The following ZNF410 variants were observed in gnomAD, a reference collection of about 807,000 sequenced individuals.
ZNF410 encodes the protein zinc finger protein 410.
ZNF410 carries 18 observed loss-of-function variants against 54.8 expected under a neutral mutation model. That is an observed-to-expected ratio of 0.33 (90% confidence interval 0.23 to 0.49). ZNF410 has a LOEUF of 0.49. ZNF410 is among the 20% of genes least tolerant of loss of function. The pLI, the probability that ZNF410 is intolerant of heterozygous loss-of-function variation, is 0.99. For missense variants in ZNF410, 405 were observed against 569.6 expected (o/e 0.71, Z 2.94); for synonymous variants, 191 against 207.3 (o/e 0.92, Z 0.68).
intron 6 of ZNF410, 94 bp from the exon 7 acceptor site, chr14:73,904,808 T>C: frequency 7.2e-7 from 1 of 1,390,422 alleles, no homozygotes; most frequent in Admixed American, 2.5e-5. Flanking sequence ...TTTTTGGACT[T>C]ACTGTTTGCC....
chr14:73,900,195 CA>C (rs60950253), intron 5 of ZNF410, among the ~76,000 whole-genome samples: 6,556 of 125,316 alleles, frequency 0.052, 425 homozygotes, highest in African/African-American at 0.17. Flanking sequence ...CTTGGTCTCC[CA>C]AAAAAAAAAA....
chr14:73,905,217 C>A (rs2055462905), intron 7 of ZNF410, 134 bp downstream of exon 7: 3 of 890,632 alleles, frequency 3.4e-6, no homozygotes, highest in Non-Finnish European at 4.9e-6. Context: ...GATGGGATTT[C>A]TTTTTCAAAT....
At chr14:73,891,205 A>C (rs2055225680) in intron 1 of ZNF410, among the ~76,000 whole-genome samples, 1 of 152,168 alleles carries the variant, frequency 6.6e-6, no homozygotes, top group African/African-American at 2.4e-5. Flanking sequence ...CACACGGTAT[A>C]GCTACGGTCA....
At chr14:73,895,085 G>A (rs1219131288) in intron 3 of ZNF410, among the ~76,000 whole-genome samples, 1 of 152,134 alleles carries the variant, frequency 6.6e-6, no homozygotes, top group African/African-American at 2.4e-5. Context: ...AGGAGTTTGA[G>A]GCTGCAGTAA....
chr14:73,889,917 C>T (rs748193207), intron 1 of ZNF410, among the ~76,000 whole-genome samples: 19 of 151,534 alleles, frequency 1.3e-4, no homozygotes, highest in Non-Finnish European at 2.1e-4. Context: ...CTACCTCAGC[C>T]TCCTGAGTAG....
chr14:73,894,136 TGA>T (rs769010131), intron 3 of ZNF410, among the ~76,000 whole-genome samples: 2 of 152,018 alleles, frequency 1.3e-5, no homozygotes, highest in Non-Finnish European at 2.9e-5. Flanking sequence ...CCAGAGAGTG[TGA>T]GAGTGGGGAA....
chr14:73,923,266 T>G (rs978906483), intron 10 of ZNF410, 129 bp from the exon 11 acceptor site: 6 of 1,092,380 alleles, frequency 5.5e-6, no homozygotes, highest in Admixed American at 6.7e-5. Flanking sequence ...AGGATTAACT[T>G]GGAAGAAATA....
At chr14:73,906,440 A>G (rs1330495649) in intron 7 of ZNF410, 1 of 152,122 alleles carries the variant, frequency 6.6e-6, no homozygotes, top group African/African-American at 2.4e-5. Flanking sequence ...TTGTTGTAGC[A>G]TTTGATACCT....
At chr14:73,912,382 G>C (rs946265208) in intron 8 of ZNF410, among the ~76,000 whole-genome samples, 2 of 152,054 alleles carry the variant, frequency 1.3e-5, no homozygotes, top group African/African-American at 4.8e-5. Flanking sequence ...GGCCAGGCTG[G>C]TCTTGAACTC....
chr14:73,925,677 C>T (rs2140329387), intron 11 of ZNF410, among the ~76,000 whole-genome samples: 1 of 152,240 alleles, frequency 6.6e-6, no homozygotes, highest in East Asian at 1.9e-4. Context: ...ATCCACCCGC[C>T]TCAGCCTCCC....
chr14:73,892,202 A>G lies in ZNF410; in HGVS notation c.27A>G (p.Lys9=). The change falls in exon 2 of 12, where the codon AAA becomes AAG. Residue 9 remains lysine (K), a synonymous_variant. Transcript: ENST00000555044. MLSDELES[K]PELLVQFVQN... is the part of the protein sequence containing the mutation. ...TGTTATCAGATGAGTTAGAATCCAA[A>G]CCAGAGGTGAGCCCAGTCAGCTTGT... 6.2e-7 allele frequency: 1 copy of G among 1,613,302 alleles called. No homozygotes were observed. Among genetic ancestry groups the G allele is most frequent in the Non-Finnish European group, 8.5e-7 (1 of 1,179,770 alleles).
intron 11 of ZNF410, among the ~76,000 whole-genome samples, chr14:73,923,728 C>T (rs2055788549): frequency 6.6e-6 from 1 of 152,172 alleles, no homozygotes; most frequent in Non-Finnish European, 1.5e-5. Context: ...ACAGCTGGGA[C>T]TCCCGGCTTT....
chr14:73,892,342 T>C, intron 2 of ZNF410, 134 bp downstream of exon 2: 1 of 736,094 alleles, frequency 1.4e-6, no homozygotes, highest in Non-Finnish European at 2.2e-6. Flanking sequence ...AGCTATATGG[T>C]TTTGATTGTT....
intron 11 of ZNF410, 93 bp from the exon 12 acceptor site, chr14:73,931,410 C>A: frequency 8.8e-7 from 1 of 1,130,160 alleles, no homozygotes; most frequent in Non-Finnish European, 1.3e-6. Flanking sequence ...GTAGTGCATT[C>A]TCCATCCTCC....
chr14:73,923,485 A>AT lies in ZNF410; in HGVS notation c.1362dup (p.Glu455Ter). The AT allele has an allele frequency of 6.2e-7, 1 of 1,613,812 alleles. No homozygotes were observed. The highest frequency in any genetic ancestry group is 1.1e-5 in the South Asian group (1 of 90,944). ...ACCATGCAGTCAGGGAGGCAATCAT[A>AT]TGAAGTTTCTGTCTTAACTGCAGTA... On this transcript the variant is annotated frameshift_variant, in exon 11 of 12. Transcript: ENST00000555044. LOFTEE classifies it high-confidence loss of function.
At position 73,921,067 on chromosome 14, in the gene ZNF410, A is replaced by G; in HGVS notation, c.1091A>G (p.Gln364Arg). 1 of 1,614,142 alleles carries G rather than the reference A, an allele frequency of 6.2e-7. No homozygotes were observed. The highest frequency in any genetic ancestry group is 8.5e-7 in the Non-Finnish European group (1 of 1,180,002). Reference protein sequence around the residue: ...RNVHMRKHHLQLGAAGSQEQE... With the variant: ...RNVHMRKHHLRLGAAGSQEQE... ...GTGCATATGAGAAAGCATCACCTGCAGCTGGGAGCAGCTGGGAGTCAAGAG... is the reference window on the plus strand; with the variant it reads ...GTGCATATGAGAAAGCATCACCTGCGGCTGGGAGCAGCTGGGAGTCAAGAG... Residue 364 changes from glutamine to arginine, a missense_variant, in exon 9 of 12, where the codon CAG (glutamine) becomes CGG (arginine). Around this residue, in one of 3 missense-constraint regions of ZNF410, gnomAD observed 127 missense variants for 141.3 expected, o/e 0.90. Coordinates refer to ENST00000555044, the MANE Select transcript of ZNF410 (RefSeq NM_021188.3).
chr14:73,898,097 G>C lies in ZNF410; in HGVS notation c.415G>C (p.Val139Leu). 6.2e-7 allele frequency: 1 copy of C among 1,614,016 alleles called. No individual in the cohort carries two copies. The highest frequency in any genetic ancestry group is 8.5e-7 in the Non-Finnish European group (1 of 1,180,010). ...TCTGGGCTCTTCAGCTGAGCACTTAGTGTTTGTACAGGATGAGGCAGAAGA... is the reference window on the plus strand; with the variant it reads ...TCTGGGCTCTTCAGCTGAGCACTTACTGTTTGTACAGGATGAGGCAGAAGA... Reference protein sequence around the residue: ...AGLGSSAEHLVFVQDEAEDSG... With the variant: ...AGLGSSAEHLLFVQDEAEDSG... The change falls in exon 5 of 12, where the codon GTG (valine) becomes CTG (leucine). Residue 139 changes from valine (V) to leucine (L), a missense_variant. Physicochemically the swap from Val to Leu is conservative, Grantham distance 32 (BLOSUM62 1). Transcript: ENST00000555044.
At chr14:73,887,171 G>A (rs1348526475) in intron 1 of ZNF410, 1 of 152,484 alleles carries the variant, frequency 6.6e-6, no homozygotes, top group African/African-American at 2.4e-5. Flanking sequence ...AGGGATATAG[G>A]AACAGACTGT....
intron 11 of ZNF410, among the ~76,000 whole-genome samples, chr14:73,925,348 T>TGA (rs975509939): frequency 6.6e-6 from 1 of 152,078 alleles, no homozygotes; most frequent in Non-Finnish European, 1.5e-5. Flanking sequence ...CAGAGTACAG[T>TGA]GAGAGAGAGA....
Sources: gnomAD v4.1 joint callset for allele counts (sites outside exome capture counted in the v4.1 genomes callset) on GRCh38, gnomAD v4.1.1 for gene constraint, gnomAD v4.1.1 regional missense constraint, MANE v1.5 for transcripts, NCBI Gene and HGNC (gene_info 2026-07-23, HGNC 2026-07-21) for gene names.